PLAC1: variants seen among roughly 807,000 people sequenced by gnomAD.
The protein encoded by PLAC1 is placenta associated 1, also known as placenta-specific protein 1.
For missense variants in PLAC1, 136 were observed against 163.2 expected, an observed-to-expected ratio of 0.83 and a Z score of 0.91; for synonymous variants, 68 against 62.1, an observed-to-expected ratio of 1.09 and a Z score of -0.44.
chrX:134,747,450 A>T (rs2078731514), intron 1 of PLAC1, among the ~76,000 whole-genome samples: 1 of 112,065 alleles, frequency 8.9e-6, no homozygotes, highest in Non-Finnish European at 1.9e-5. Flanking sequence ...TAATGATTTT[A>T]AAAGAAGACA....
intron 2 of PLAC1, among the ~76,000 whole-genome samples, chrX:134,575,979 A>G (rs192507694): frequency 1.4e-3 from 148 of 108,242 alleles, no homozygotes; most frequent in African/African-American, 4.7e-3. Flanking sequence ...TGATATTAAT[A>G]TAATTATTAA....
intron 1 of PLAC1, among the ~76,000 whole-genome samples, chrX:134,650,550 A>T (rs937882524): frequency 7.2e-5 from 8 of 111,747 alleles, no homozygotes; most frequent in Non-Finnish European, 1.5e-4. Context: ...AATTATAGGC[A>T]GAACAAGTTC....
At chrX:134,735,025 A>C in intron 1 of PLAC1, among the ~76,000 whole-genome samples, 1 of 111,806 alleles carries the variant, frequency 8.9e-6, no homozygotes, top group Non-Finnish European at 1.9e-5. Flanking sequence ...ATAATGAGAA[A>C]AGTCACCATT....
chrX:134,733,429 A>C (rs1395759827), intron 2 of PLAC1: 3 of 110,798 alleles, frequency 2.7e-5, no homozygotes, highest in Non-Finnish European at 5.7e-5. Flanking sequence ...AACTCCAAAA[A>C]CTCACTTGTG....
intron 2 of PLAC1, among the ~76,000 whole-genome samples, chrX:134,687,389 T>C (rs1393116763): frequency 9.0e-6 from 1 of 110,882 alleles, no homozygotes; most frequent in Admixed American, 9.5e-5. Context: ...AGTTTTTGTG[T>C]GTGTGATTTT....
intron 2 of PLAC1, among the ~76,000 whole-genome samples, chrX:134,728,581 C>A (rs1167184548): frequency 9.0e-6 from 1 of 111,676 alleles, no homozygotes; most frequent in Admixed American, 9.6e-5. Context: ...AAGGCATTCC[C>A]AGCTAGATAA....
chrX:134,593,100 A>T lies in PLAC1; in HGVS notation c.-59+8951T>A, dbSNP rs749805149. Among the ~76,000 whole-genome samples the T allele has an allele frequency of 6.3e-5, 7 of 111,791 alleles. No homozygotes were observed. In the South Asian group the frequency reaches 2.2e-3, roughly 35 times the overall value. ...CCTATTGGTTCTGTTTCTCTGGAGA[A>T]CCGTGACTACTACAAGGTTCTTTTT... On this transcript the variant is annotated intron_variant, in intron 2 of 2. Coordinates refer to ENST00000359237, the MANE Select transcript of PLAC1 (RefSeq NM_021796.4).
intron 1 of PLAC1, among the ~76,000 whole-genome samples, chrX:134,617,252 G>A (rs759848174): frequency 3.6e-4 from 40 of 111,743 alleles, no homozygotes; most frequent in Admixed American, 1.5e-3. Flanking sequence ...GCCTCCCAAA[G>A]TGCTGGGATT....
intron 1 of PLAC1, among the ~76,000 whole-genome samples, chrX:134,612,371 G>A (rs1054052528): frequency 8.9e-6 from 1 of 112,041 alleles, no homozygotes; most frequent in Non-Finnish European, 1.9e-5. Context: ...GCACAGTGCC[G>A]GACACATAGG....
At position 134,652,678 on chromosome X, in the gene PLAC1, C is replaced by T. The variant is rs1270727079; in HGVS notation, c.-131+5650G>A. On this transcript the variant is annotated intron_variant, in intron 1 of 2. Coordinates refer to ENST00000359237, the MANE Select transcript of PLAC1 (RefSeq NM_021796.4). ...TAATCTCTCTGTGCCTCAGTTTCCA[C>T]ATCTGTAAAATTGGTTAACAATAAC... is the stretch of plus-strand genomic sequence containing the variant. 7.2e-5 allele frequency among the ~76,000 whole-genome samples: 8 copies of T among 111,140 alleles called. No individual in the cohort carries two copies. The East Asian group carries it at 1.4e-3, about 20-fold the overall frequency.
intron 1 of PLAC1, among the ~76,000 whole-genome samples, chrX:134,735,728 T>C (rs1488035489): frequency 9.1e-6 from 1 of 110,205 alleles, no homozygotes; most frequent in East Asian, 2.9e-4. Flanking sequence ...AACCCTCCCA[T>C]GGTATCTCAA....
At chrX:134,639,109 G>C (rs1373036216) in intron 1 of PLAC1, among the ~76,000 whole-genome samples, 2 of 111,489 alleles carry the variant, frequency 1.8e-5, no homozygotes, top group Non-Finnish European at 3.8e-5. Context: ...CAAGGAATCA[G>C]TCAATCAACA....
At chrX:134,631,782 A>C (rs938673327) in intron 1 of PLAC1, among the ~76,000 whole-genome samples, 1 of 112,041 alleles carries the variant, frequency 8.9e-6, no homozygotes, top group African/African-American at 3.2e-5. Flanking sequence ...AGTTACAGAC[A>C]GGTTTTTTCA....
intron 1 of PLAC1, chrX:134,607,465 C>T (rs2078127994): frequency 1.5e-5 from 2 of 136,767 alleles, no homozygotes; most frequent in Non-Finnish European, 2.9e-5. Context: ...AAAATAGCAT[C>T]CTGAATTGCA....
chrX:134,575,367 T>C lies in PLAC1; in HGVS notation c.-58-8627A>G, dbSNP rs191855902. On this transcript the variant is annotated intron_variant, in intron 2 of 2. Coordinates refer to ENST00000359237, the MANE Select transcript of PLAC1 (RefSeq NM_021796.4). ...ACATAACAATTTTTTAAAAACTAGC[T>C]GGATGTGGTGGTGCGCACCTGTTGT... 2.7e-5 allele frequency among the ~76,000 whole-genome samples: 3 copies of C among 109,614 alleles called. No homozygotes were observed. In the Admixed American group the frequency reaches 2.9e-4, roughly 11 times the overall value.
intron 2 of PLAC1, among the ~76,000 whole-genome samples, chrX:134,571,017 T>C (rs1425583365): frequency 2.7e-5 from 3 of 112,378 alleles, no homozygotes; most frequent in Non-Finnish European, 5.6e-5. Flanking sequence ...AAGAGCTATC[T>C]ATATCAGTCA....
intron 1 of PLAC1, among the ~76,000 whole-genome samples, chrX:134,754,758 CTTTTTTTTTTTT>C: frequency 1.5e-5 from 1 of 66,153 alleles, no homozygotes; most frequent in East Asian, 5.1e-4. Flanking sequence ...ATTTATTGTT[CTTTTTTTTTTTT>C]TTTTTTTTTG....
chrX:134,575,768 C>CAAA (rs779874830), intron 2 of PLAC1, among the ~76,000 whole-genome samples: 1 of 56,377 alleles, frequency 1.8e-5, no homozygotes, highest in African/African-American at 8.0e-5. Context: ...GACTCCGTCT[C>CAAA]AAAAAAAAAA....
intron 1 of PLAC1, among the ~76,000 whole-genome samples, chrX:134,626,374 G>A (rs2124413228): frequency 8.9e-6 from 1 of 112,511 alleles, no homozygotes; most frequent in East Asian, 2.8e-4. Context: ...CAAAGTACCT[G>A]GCACATAGTA....
Sources: gnomAD v4.1 joint callset for allele counts (sites outside exome capture counted in the v4.1 genomes callset) on GRCh38, gnomAD v4.1.1 for gene constraint, MANE v1.5 for transcripts, NCBI Gene and HGNC (gene_info 2026-07-23, HGNC 2026-07-21) for gene names.